Variants in MTM1 observed in about 807,000 individuals in gnomAD.
The protein encoded by MTM1 is myotubularin.
In MTM1, 9 loss-of-function variants were observed where a neutral mutation model predicts 52.1. That is an observed-to-expected ratio of 0.17 (90% CI 0.10 to 0.30). The LOEUF is 0.30. MTM1 is among the 10% of genes least tolerant of loss of function. The pLI is 1.00. For synonymous variants in MTM1, 136 were observed against 163.8 expected, an observed-to-expected ratio of 0.83 and a Z score of 1.29; for missense variants, 277 against 470.7, an observed-to-expected ratio of 0.59 and a Z score of 3.81.
chrX:150,628,739 CTT>C (rs113494126), intron 6 of MTM1, among the ~76,000 whole-genome samples: 5 of 100,672 alleles, frequency 5.0e-5, no homozygotes, highest in African/African-American at 3.6e-5. Context: ...TTCTTGTTTT[CTT>C]TTTTTTTTTT....
intron 4 of MTM1, among the ~76,000 whole-genome samples, chrX:150,605,513 T>C (rs782032770): frequency 8.9e-6 from 1 of 112,866 alleles, no homozygotes; most frequent in East Asian, 2.8e-4. Flanking sequence ...GGCAGTGTAT[T>C]ACCCAAAGAT....
chrX:150,645,980 T>TAAG (rs1182243546), intron 9 of MTM1, 109 bp downstream of exon 9: 30 of 702,493 alleles, frequency 4.3e-5, no homozygotes, highest in Non-Finnish European at 6.7e-5. Flanking sequence ...AATTAATAGT[T>TAAG]AAGAAAACCA....
At chrX:150,637,663 G>T (rs1190819278) in intron 6 of MTM1, among the ~76,000 whole-genome samples, 1 of 112,137 alleles carries the variant, frequency 8.9e-6, no homozygotes, top group African/African-American at 3.2e-5. Flanking sequence ...TGTCGGAGAA[G>T]GTCTTACTGA....
chrX:150,599,061 T>C (rs1693622501), intron 4 of MTM1, among the ~76,000 whole-genome samples: 1 of 112,406 alleles, frequency 8.9e-6, no homozygotes, highest in Non-Finnish European at 1.9e-5. Flanking sequence ...ATGTCCTGGA[T>C]AGACTGCATC....
chrX:150,633,733 C>G (rs1054191587), intron 6 of MTM1, among the ~76,000 whole-genome samples: 5 of 111,315 alleles, frequency 4.5e-5, no homozygotes, highest in Admixed American at 9.5e-5. Flanking sequence ...AAAATTTAAT[C>G]CAGAAAGAAG....
chrX:150,593,761 T>A lies in MTM1; in HGVS notation c.63+1084T>A, dbSNP rs186869930. ...TGGGAGGATCACTTGAGCTCAAGAG[T>A]TCGAGACTGGCCTAGGCAACATAGT... On this transcript the variant is annotated intron_variant, in intron 2 of 14. Coordinates refer to ENST00000370396, the MANE Select transcript of MTM1 (RefSeq NM_000252.3). Among the ~76,000 whole-genome samples the A allele has an allele frequency of 2.5e-3, 277 of 111,080 alleles. 1 individual carries two copies. The highest frequency in any genetic ancestry group is 0.019 in the Middle Eastern group (4 of 214).
intron 10 of MTM1, among the ~76,000 whole-genome samples, chrX:150,657,257 A>T (rs2040134271): frequency 9.0e-6 from 1 of 111,624 alleles, no homozygotes; most frequent in African/African-American, 3.3e-5. Flanking sequence ...GATTAAGGAA[A>T]TGTGGCACAT....
At chrX:150,567,844 G>A (rs1215704045), upstream of MTM1, among the ~76,000 whole-genome samples, 2 of 112,450 alleles carry the variant, frequency 1.8e-5, no homozygotes, top group Non-Finnish European at 3.8e-5. Flanking sequence ...GTGAGCCACC[G>A]CGCCCGGCCC....
intron 9 of MTM1, 68 bp from the exon 10 acceptor site, chrX:150,649,648 A>G: frequency 1.0e-6 from 1 of 987,787 alleles, no homozygotes; most frequent in Non-Finnish European, 1.4e-6. Context: ...ATAACTAGAA[A>G]TATTTGTGTA....
chrX:150,615,498 A>G (rs79644408), intron 5 of MTM1, among the ~76,000 whole-genome samples: 1 of 110,721 alleles, frequency 9.0e-6, no homozygotes, highest in African/African-American at 3.3e-5. Context: ...AAAAAAAAAA[A>G]AACAGTCTTA....
Position 150,657,919 on chromosome X carries a change from G to A in MTM1, c.1152G>A (p.Gln384=), listed in dbSNP as rs377687995. 8.3e-7 allele frequency: 1 copy of A among 1,209,521 alleles called. No individual in the cohort carries two copies. The highest frequency in any genetic ancestry group is 1.7e-5 in the African/African-American group (1 of 57,170). ...GTGACGGATGGGACAGGACTGCTCA[G>A]CTGACATCCTTGGCCATGCTGATGT... ...HCSDGWDRTA[Q]LTSLAMLMLD... is the part of the protein sequence containing the mutation. The change falls in exon 11 of 15, where the codon CAG becomes CAA. Residue 384 remains glutamine, a synonymous_variant. Transcript: ENST00000370396.
chrX:150,564,090 C>T (rs2038233501), upstream of MTM1, among the ~76,000 whole-genome samples: 1 of 111,491 alleles, frequency 9.0e-6, no homozygotes, highest in Non-Finnish European at 1.9e-5. Flanking sequence ...AATCCCCCAC[C>T]CACCTCTAGG....
In MTM1 at chrX:150,614,561, C is replaced by T. The variant is rs73620649; in HGVS notation, c.232-28C>T. On this transcript the variant is annotated intron_variant, in intron 4 of 14. Transcript: ENST00000370396. ...TGTTTTAATTATACTGACAGAAATA[C>T]TGACTACTGTATTTTTGTCCATTAC... 6,503 of 829,641 alleles carry T rather than the reference C, an allele frequency of 7.8e-3. 255 individuals carry two copies. In the African/African-American group the frequency reaches 0.12, roughly 15 times the overall value. 68.4% of individuals were successfully genotyped at this position (829,641 alleles called of 1,213,427 possible). A position where few individuals can be genotyped will look rare whatever the true frequency, so the allele number is the denominator to read the frequency against.
chrX:150,607,787 G>A (rs1434803255), intron 4 of MTM1, among the ~76,000 whole-genome samples: 2 of 111,705 alleles, frequency 1.8e-5, no homozygotes, highest in African/African-American at 6.5e-5. Flanking sequence ...CACTATGCCA[G>A]GTGCTAGGAT....
chrX:150,649,621 G>A (rs1026004692), intron 9 of MTM1, 95 bp from the exon 10 acceptor site: 6 of 779,076 alleles, frequency 7.7e-6, no homozygotes. Flanking sequence ...GAGGGTTTGG[G>A]GTTATTTGGA....
chrX:150,668,930 G>A (rs782310413), intron 14 of MTM1, among the ~76,000 whole-genome samples: 19 of 109,930 alleles, frequency 1.7e-4, no homozygotes, highest in African/African-American at 6.3e-4. Context: ...AAAAAGGGTG[G>A]GGGGATACAT....
chrX:150,598,087 A>G (rs1166389286), intron 3 of MTM1, among the ~76,000 whole-genome samples: 3 of 111,572 alleles, frequency 2.7e-5, no homozygotes, highest in Non-Finnish European at 5.6e-5. Context: ...ACCCTATCTC[A>G]AAAACAAAAA....
At chrX:150,605,076 G>A (rs1205581527) in intron 4 of MTM1, among the ~76,000 whole-genome samples, 3 of 111,523 alleles carry the variant, frequency 2.7e-5, no homozygotes, top group Admixed American at 9.6e-5. Context: ...AAATCGTTCC[G>A]AAGTATTTGC....
intron 11 of MTM1, among the ~76,000 whole-genome samples, chrX:150,658,884 G>A (rs902944415): frequency 5.1e-4 from 57 of 111,815 alleles, no homozygotes; most frequent in African/African-American, 1.8e-3. Flanking sequence ...ATGGAGTTTC[G>A]CCCTTATTGC....
Sources: gnomAD v4.1 joint callset for allele counts (sites outside exome capture counted in the v4.1 genomes callset) on GRCh38, gnomAD v4.1.1 for gene constraint, MANE v1.5 for transcripts, NCBI Gene and HGNC (gene_info 2026-07-23, HGNC 2026-07-21) for gene names.